HSD17B4: variants seen among roughly 807,000 people sequenced by gnomAD.
The protein encoded by HSD17B4 is peroxisomal multifunctional enzyme type 2.
In HSD17B4, 70 loss-of-function variants were observed where a neutral mutation model predicts 101.0. The observed-to-expected ratio is 0.69, with a 90% confidence interval of 0.57 to 0.85. The LOEUF is 0.85. HSD17B4 is among the 40% of genes least tolerant of loss of function. The pLI is 0.00. For synonymous variants in HSD17B4, 347 were observed against 297.1 expected (o/e 1.17, Z -1.73); for missense variants, 984 against 892.4 (o/e 1.10, Z -1.31).
intron 14 of HSD17B4, among the ~76,000 whole-genome samples, chr5:119,506,593 C>G (rs569296390): frequency 6.6e-6 from 1 of 152,358 alleles, no homozygotes; most frequent in Admixed American, 6.5e-5. Flanking sequence ...AATCGCCACA[C>G]TGTCTTCCAC....
intron 21 of HSD17B4, 86 bp downstream of exon 21, chr5:119,530,066 G>T: frequency 1.2e-6 from 1 of 810,130 alleles, no homozygotes. Flanking sequence ...GGCTACGTTA[G>T]AAAATTAACA....
In HSD17B4 at chr5:119,456,429, G is replaced by C. The variant is rs34154113; in HGVS notation, c.112+61G>C. 1,179 of 996,358 alleles carry C rather than the reference G, an allele frequency of 1.2e-3. 8 individuals carry two copies. Among genetic ancestry groups the C allele is most frequent in the Admixed American group, 8.7e-3 (508 of 58,468 alleles). 61.7% of individuals were successfully genotyped at this position (996,358 alleles called of 1,614,324 possible). Reference sequence around the variant, plus strand: ...GATAACTGAAATACAATCTTTACAAGCTATCTTTGTCTTTCTATCAAATAA... The same window carrying C: ...GATAACTGAAATACAATCTTTACAACCTATCTTTGTCTTTCTATCAAATAA... On this transcript the variant is annotated intron_variant, in intron 2 of 23. Transcript: ENST00000510025.
intron 2 of HSD17B4, among the ~76,000 whole-genome samples, chr5:119,464,151 T>C (rs1755570787): frequency 6.6e-6 from 1 of 152,184 alleles, no homozygotes. Context: ...GTCTCTTCAC[T>C]GTTGATTGTT....
At chr5:119,522,009 C>T (rs1445939384) in intron 17 of HSD17B4, among the ~76,000 whole-genome samples, 1 of 151,590 alleles carries the variant, frequency 6.6e-6, no homozygotes, top group Admixed American at 6.6e-5. Flanking sequence ...CATACGTATA[C>T]ATGTGCCATG....
intron 16 of HSD17B4, among the ~76,000 whole-genome samples, chr5:119,512,720 T>C (rs2126826868): frequency 6.6e-6 from 1 of 152,342 alleles, no homozygotes; most frequent in African/African-American, 2.4e-5. Flanking sequence ...ATAAAGTTCT[T>C]CAGATTGATA....
chr5:119,498,770 C>G (rs1437542762), intron 12 of HSD17B4, among the ~76,000 whole-genome samples: 1 of 152,138 alleles, frequency 6.6e-6, no homozygotes, highest in African/African-American at 2.4e-5. Flanking sequence ...GTCCCAGCTA[C>G]TCGGGAAGCT....
rs566812277 is a variant in HSD17B4 at position 119,500,406 on chromosome 5, A to G, written c.1209+853A>G. The stretch of plus-strand genomic sequence containing the variant: ...ATCTATATGTAATGTATAATTATGT[A>G]TAGTGTATTTAATATGTATAGTAAT... On this transcript the variant is annotated intron_variant, in intron 13 of 23. Transcript: ENST00000510025. 5.1e-4 allele frequency among the ~76,000 whole-genome samples: 78 copies of G among 152,242 alleles called. 1 individual carries two copies. In the South Asian group the frequency reaches 7.7e-3, roughly 15 times the overall value.
At chr5:119,518,996 G>A (rs1284861754) in intron 17 of HSD17B4, among the ~76,000 whole-genome samples, 1 of 151,992 alleles carries the variant, frequency 6.6e-6, no homozygotes, top group East Asian at 1.9e-4. Context: ...AAAATTAGCC[G>A]AGCATGGTGG....
At chr5:119,526,834 A>C (rs1001572977) in intron 19 of HSD17B4, among the ~76,000 whole-genome samples, 1 of 151,944 alleles carries the variant, frequency 6.6e-6, no homozygotes, top group African/African-American at 2.4e-5. Context: ...AGTTGTTCTG[A>C]TGTACCTATA....
At chr5:119,517,486 T>C (rs1020944041) in intron 17 of HSD17B4, among the ~76,000 whole-genome samples, 6 of 152,122 alleles carry the variant, frequency 3.9e-5, no homozygotes, top group African/African-American at 1.4e-4. Context: ...GGCTGAGGAG[T>C]GCGAGCGTAC....
At chr5:119,500,950 T>C (rs1240087760) in intron 13 of HSD17B4, among the ~76,000 whole-genome samples, 2 of 152,092 alleles carry the variant, frequency 1.3e-5, no homozygotes, top group African/African-American at 4.8e-5. Flanking sequence ...ATCTGTAACT[T>C]TGACTGATTG....
chr5:119,482,946 G>A (rs1203434455), intron 8 of HSD17B4, among the ~76,000 whole-genome samples: 2 of 151,000 alleles, frequency 1.3e-5, no homozygotes, highest in Non-Finnish European at 2.9e-5. Context: ...AGATGGGAAA[G>A]CTAGAGAAGT....
At chr5:119,539,793 T>C (rs1754830077) in intron 23 of HSD17B4, among the ~76,000 whole-genome samples, 1 of 151,832 alleles carries the variant, frequency 6.6e-6, no homozygotes, top group Non-Finnish European at 1.5e-5. Flanking sequence ...CTGGAGGGAA[T>C]ATAAAATTGG....
chr5:119,511,521 A>G (rs1453159106), intron 16 of HSD17B4, among the ~76,000 whole-genome samples: 2 of 152,244 alleles, frequency 1.3e-5, no homozygotes, highest in Admixed American at 6.5e-5. Context: ...TGAAAAAAAT[A>G]GAACAGTAAT....
At chr5:119,541,110 C>T (rs904449874) in intron 23 of HSD17B4, among the ~76,000 whole-genome samples, 3 of 152,102 alleles carry the variant, frequency 2.0e-5, no homozygotes, top group Non-Finnish European at 4.4e-5. Context: ...AGGGAATTTA[C>T]ACTGAAGGAG....
chr5:119,470,862 G>A (rs1756295935), intron 2 of HSD17B4, among the ~76,000 whole-genome samples: 1 of 152,186 alleles, frequency 6.6e-6, no homozygotes, highest in Non-Finnish European at 1.5e-5. Context: ...ATTTCGCTCT[G>A]GTGATAATGG....
At chr5:119,510,900 C>A (rs1442271279) in intron 16 of HSD17B4, among the ~76,000 whole-genome samples, 1 of 152,124 alleles carries the variant, frequency 6.6e-6, no homozygotes, top group Non-Finnish European at 1.5e-5. Flanking sequence ...TGCTCTATTC[C>A]AGGTAAAAGT....
chr5:119,505,218 T>C (rs1005678489), intron 14 of HSD17B4, among the ~76,000 whole-genome samples: 3 of 152,046 alleles, frequency 2.0e-5, no homozygotes, highest in African/African-American at 7.2e-5. Context: ...GGGATTGCTT[T>C]GACTATTCTG....
chr5:119,529,640 T>C (rs578035478), intron 20 of HSD17B4, among the ~76,000 whole-genome samples: 2 of 152,110 alleles, frequency 1.3e-5, no homozygotes, highest in Admixed American at 6.5e-5. Context: ...CCTCATAGGG[T>C]TTCTTTGTTT....
Sources: gnomAD v4.1 joint callset for allele counts (sites outside exome capture counted in the v4.1 genomes callset) on GRCh38, gnomAD v4.1.1 for gene constraint, MANE v1.5 for transcripts, NCBI Gene and HGNC (gene_info 2026-07-23, HGNC 2026-07-21) for gene names.